KCND3: variants seen among roughly 807,000 people sequenced by gnomAD.
KCND3 encodes A-type voltage-gated potassium channel KCND3.
In KCND3, 9 loss-of-function variants were observed where a neutral mutation model predicts 51.1. The ratio of observed to expected loss-of-function variants is 0.18; its 90% CI spans 0.11 to 0.31. The LOEUF (loss-of-function observed/expected upper bound fraction) is 0.31. Among genes scored for constraint, KCND3 ranks in the 10% least tolerant of loss-of-function variants. The pLI, the probability that KCND3 is intolerant of heterozygous loss-of-function variation, is 1.00. For missense variants in KCND3, 526 were observed against 903.8 expected (o/e 0.58, Z 5.36); for synonymous variants, 349 against 368.0 (o/e 0.95, Z 0.59).
intron 2 of KCND3, among the ~76,000 whole-genome samples, chr1:111,925,676 A>C (rs1671664767): frequency 6.6e-6 from 1 of 152,214 alleles, no homozygotes; most frequent in Non-Finnish European, 1.5e-5. Flanking sequence ...TCTCATGGGC[A>C]GTTAGTTATG....
chr1:111,835,524 G>T (rs573900561), intron 2 of KCND3, among the ~76,000 whole-genome samples: 1 of 152,228 alleles, frequency 6.6e-6, no homozygotes, highest in East Asian at 1.9e-4. Context: ...AACAGGATGC[G>T]GTAAAGAAGC....
intron 2 of KCND3, among the ~76,000 whole-genome samples, chr1:111,976,427 AGCAC>A (rs1428071202): frequency 6.6e-6 from 1 of 152,258 alleles, no homozygotes; most frequent in African/African-American, 2.4e-5. Context: ...ACATTTTGAT[AGCAC>A]ATTCATCGGT....
chr1:111,900,696 G>T (rs1454517665), intron 2 of KCND3, among the ~76,000 whole-genome samples: 1 of 152,068 alleles, frequency 6.6e-6, no homozygotes, highest in African/African-American at 2.4e-5. Context: ...AGTGGCTCAT[G>T]CCTGTAATCC....
intron 2 of KCND3, among the ~76,000 whole-genome samples, chr1:111,921,100 A>T (rs1671456133): frequency 6.6e-6 from 1 of 152,090 alleles, no homozygotes; most frequent in South Asian, 2.1e-4. Flanking sequence ...TTAGCCAGCC[A>T]CTCTGCTAAG....
chr1:111,866,564 C>T (rs1377570666), intron 2 of KCND3, among the ~76,000 whole-genome samples: 1 of 137,038 alleles, frequency 7.3e-6, no homozygotes. Flanking sequence ...TGTGCCTGAC[C>T]TGTTTGTTTC....
At chr1:111,886,897 T>C (rs548581570) in intron 2 of KCND3, among the ~76,000 whole-genome samples, 1 of 152,250 alleles carries the variant, frequency 6.6e-6, no homozygotes, top group Non-Finnish European at 1.5e-5. Flanking sequence ...TTGTGGCCAG[T>C]ATTAACAGAG....
chr1:111,861,830 C>T (rs990522743), intron 2 of KCND3, among the ~76,000 whole-genome samples: 2 of 152,172 alleles, frequency 1.3e-5, no homozygotes, highest in Non-Finnish European at 2.9e-5. Context: ...ATCAGCGGAC[C>T]GCCTCCAGCA....
chr1:111,932,307 C>T (rs12025303), intron 2 of KCND3, among the ~76,000 whole-genome samples: 115,695 of 152,110 alleles, frequency 0.76, 45,492 homozygotes, highest in Non-Finnish European at 0.88. Context: ...GGGGCTTTAT[C>T]CTGCCTCCCA....
intron 2 of KCND3, among the ~76,000 whole-genome samples, chr1:111,798,542 C>T (rs182006141): frequency 2.6e-5 from 4 of 151,974 alleles, no homozygotes; most frequent in Non-Finnish European, 5.9e-5. Context: ...ACATGCTGCA[C>T]GATGCCAAGT....
intron 2 of KCND3, among the ~76,000 whole-genome samples, chr1:111,961,651 G>A (rs1673665797): frequency 6.6e-6 from 1 of 152,154 alleles, no homozygotes; most frequent in Admixed American, 6.5e-5. Context: ...GCAGGATGGG[G>A]ATCCAGTAGG....
intron 2 of KCND3, among the ~76,000 whole-genome samples, chr1:111,958,522 C>T (rs905212426): frequency 3.3e-5 from 5 of 152,184 alleles, no homozygotes; most frequent in African/African-American, 7.2e-5. Flanking sequence ...GAGCAGGAAG[C>T]GGCTAGAAAC....
intron 2 of KCND3, among the ~76,000 whole-genome samples, chr1:111,817,149 T>C (rs921748395): frequency 6.7e-6 from 1 of 149,962 alleles, no homozygotes. Flanking sequence ...TTGAATGTTG[T>C]GAACACATGG....
intron 2 of KCND3, among the ~76,000 whole-genome samples, chr1:111,795,805 A>G (rs1225230119): frequency 6.6e-6 from 1 of 152,208 alleles, no homozygotes; most frequent in Non-Finnish European, 1.5e-5. Context: ...TCCCACCAAC[A>G]GTGTATAAGT....
At position 111,780,433 on chromosome 1, in the gene KCND3, C is replaced by T; in HGVS notation, c.1372-119G>A. The stretch of plus-strand genomic sequence containing the variant: ...AATAATCAAATTTTTTTTTATTTGA[C>T]CAAATTTCAGGGTCAGCATTGAATA... On this transcript the variant is annotated intron_variant, in intron 4 of 7. Coordinates refer to ENST00000302127, the MANE Select transcript of KCND3 (RefSeq NM_001378969.1). This position sits in a 1 kb window ranked among gnomAD's most constrained non-coding sequence, Gnocchi z 4.2. 1 of 1,081,706 alleles carries T rather than the reference C, an allele frequency of 9.2e-7. No homozygotes were observed. The highest frequency in any genetic ancestry group is 1.4e-6 in the Non-Finnish European group (1 of 722,578). The allele number at this position is 1,081,706 out of a possible 1,614,324, so 67.0% of individuals were successfully genotyped here.
rs374945628 is a variant in KCND3, at chr1:111,780,270, G to A, written c.1416C>T (p.Ile472=). The A allele has an allele frequency of 1.8e-5, 29 of 1,587,442 alleles. No individual in the cohort carries two copies. The highest frequency in any genetic ancestry group is 4.6e-5 in the South Asian group (4 of 86,676). ...GCAGCAGGTGATGATGCTGGCTCTC[G>A]ATGAGTGAGGTGGTCTTGCCCATGT... ...EEHMGKTTSL[I]ESQHHHLLHC... Residue 472 remains isoleucine (I), a synonymous_variant, in exon 5 of 8, where the codon ATC becomes ATT. Transcript: ENST00000302127. The surrounding 1 kb of genome is among the most constrained non-coding windows in gnomAD (Gnocchi z 4.2).
At chr1:111,944,353 A>G (rs17029134) in intron 2 of KCND3, among the ~76,000 whole-genome samples, 4,733 of 152,326 alleles carry the variant, frequency 0.031, 237 homozygotes, top group African/African-American at 0.11. Context: ...CGAAAGGTTA[A>G]GATACAATTA....
At position 111,981,210 on chromosome 1, in the gene KCND3, C is replaced by T. The variant is rs1400915631; in HGVS notation, c.1106+411G>A. Among the ~76,000 whole-genome samples the T allele has an allele frequency of 1.3e-5, 2 of 152,078 alleles. No individual in the cohort carries two copies. Among genetic ancestry groups the T allele is most frequent in the East Asian group, 3.9e-4 (2 of 5,194 alleles). ...CTTGGTGTCTTCTGGTAATGGACAT[C>T]TGAACCCTCCGAACTTCTCAACAGT... On this transcript the variant is annotated intron_variant, in intron 2 of 7. Transcript: ENST00000302127. The surrounding 1 kb of genome is among the most constrained non-coding windows in gnomAD (Gnocchi z 6.2).
intron 2 of KCND3, among the ~76,000 whole-genome samples, chr1:111,823,339 C>T (rs606746): frequency 0.021 from 3,246 of 152,212 alleles, 123 homozygotes; most frequent in African/African-American, 0.074. Context: ...TGACAGTGGC[C>T]AAAGCCCTCA....
intron 2 of KCND3, among the ~76,000 whole-genome samples, chr1:111,941,832 C>G (rs1672534915): frequency 1.3e-5 from 2 of 152,218 alleles, no homozygotes; most frequent in Non-Finnish European, 1.5e-5. Flanking sequence ...TTTTCTTTGA[C>G]ATACAATTAG....
Sources: allele counts gnomAD v4.1 joint callset (sites outside exome capture counted in the v4.1 genomes callset), GRCh38; gene constraint gnomAD v4.1.1; non-coding constraint Gnocchi (gnomAD v3.1); transcripts MANE v1.5; gene names NCBI Gene and HGNC (gene_info 2026-07-23, HGNC 2026-07-21).